Variants in SRP19 observed in about 807,000 individuals in gnomAD.
SRP19 encodes the protein signal recognition particle 19, also known as signal recognition particle 19 kDa protein.
SRP19 carries 11 observed loss-of-function variants against 22.4 expected under a neutral mutation model. The observed-to-expected ratio is 0.49, with a 90% CI of 0.31 to 0.81. The LOEUF is 0.81. Ranked by LOEUF, SRP19 falls within the 40% of genes least tolerant of loss-of-function variation. The probability of loss-of-function intolerance (pLI) is 0.05; values close to 1 mark genes in which losing one functional copy is unlikely to be tolerated. For missense variants in SRP19, 168 were observed against 175.9 expected (o/e 0.96, Z 0.25); for synonymous variants, 61 against 57.6 (o/e 1.06, Z -0.27).
intron 4 of SRP19, among the ~76,000 whole-genome samples, chr5:112,866,990 C>T (rs1397358625): frequency 2.1e-5 from 3 of 142,812 alleles, no homozygotes; most frequent in Non-Finnish European, 3.1e-5. Context: ...CCCATCGGAT[C>T]GCTTGTAACT....
chr5:112,896,198 T>C (rs1300706369), downstream of SRP19: 1 of 152,674 alleles, frequency 6.5e-6, no homozygotes, highest in African/African-American at 2.4e-5. Flanking sequence ...AAGATTTCCC[T>C]GTCTTTTTAG....
At chr5:112,891,544 C>T (rs1768447921) in intron 4 of SRP19, 3 of 1,497,856 alleles carry the variant, frequency 2.0e-6, no homozygotes, top group East Asian at 5.0e-5. Flanking sequence ...ATAAAATATT[C>T]ATAAGTAGAA....
intron 4 of SRP19, among the ~76,000 whole-genome samples, chr5:112,885,951 C>T (rs1022852489): frequency 6.6e-6 from 1 of 152,162 alleles, no homozygotes; most frequent in Admixed American, 6.5e-5. Flanking sequence ...AGCCACTGCC[C>T]GAAGCCATCT....
chr5:112,884,701 G>GTCTGAT (rs140773884), intron 4 of SRP19, among the ~76,000 whole-genome samples: 3,153 of 151,800 alleles, frequency 0.021, 100 homozygotes, highest in African/African-American at 0.072. Context: ...CTACTATTGA[G>GTCTGAT]TCTGATTCAG....
intron 4 of SRP19, among the ~76,000 whole-genome samples, chr5:112,867,162 T>C (rs1767632374): frequency 6.6e-6 from 1 of 152,254 alleles, no homozygotes; most frequent in South Asian, 2.1e-4. Context: ...TTTTGTTTCA[T>C]ACTTAGTGTT....
chr5:112,896,984 A>G (rs1281306647), downstream of SRP19: 1 of 152,230 alleles, frequency 6.6e-6, no homozygotes, highest in African/African-American at 2.4e-5. Context: ...CAGAGGATAC[A>G]AAGATATTAA....
downstream of SRP19, among the ~76,000 whole-genome samples, chr5:112,870,954 G>T (rs1767745190): frequency 6.6e-6 from 1 of 152,166 alleles, no homozygotes; most frequent in Admixed American, 6.5e-5. Flanking sequence ...CTGGTTTCAA[G>T]TGATTCTCCT....
intron 4 of SRP19, chr5:112,878,140 C>CATT (rs2150032101): frequency 6.6e-6 from 1 of 152,640 alleles, no homozygotes; most frequent in East Asian, 1.9e-4. Context: ...CATTCGATTT[C>CATT]ATTTCTCACT....
chr5:112,884,939 T>C (rs116738471), intron 4 of SRP19, among the ~76,000 whole-genome samples: 2,405 of 152,298 alleles, frequency 0.016, 32 homozygotes, highest in Non-Finnish European at 0.023. Flanking sequence ...GCCAGTGTTA[T>C]GAACATGCTT....
exon 5 of SRP19, chr5:112,893,030 G>A: frequency 1.3e-6 from 2 of 1,511,138 alleles, no homozygotes; most frequent in East Asian, 4.6e-5. Context: ...CGTGGGAGGA[G>A]GAAGTCGGGT....
rs572159454 is a variant in SRP19 at position 112,892,271 on chromosome 5, T to C, written c.*664T>C. ...CCTACCCTTCTTATTAAGAGCATGT[T>C]TACAACGTTTGGAATGGAGCAGTGC... On this transcript the variant is annotated 3_prime_UTR_variant, in exon 5 of 5. Transcript: ENST00000391338. 1.1e-5 allele frequency: 17 copies of C among 1,614,072 alleles called. No individual in the cohort carries two copies. The East Asian group carries it at 3.8e-4, about 36-fold the overall frequency.
downstream of SRP19, chr5:112,894,983 A>T (rs1291999741): frequency 1.3e-5 from 2 of 149,544 alleles, no homozygotes; most frequent in East Asian, 4.0e-4. Context: ...TTACGCCTGT[A>T]ATCCCAGCAC....
At position 112,861,307 on chromosome 5, in the gene SRP19, A is replaced by G; in HGVS notation, c.-70A>G. 1 of 1,585,316 alleles carries G rather than the reference A, an allele frequency of 6.3e-7. No homozygotes were observed. Among genetic ancestry groups the G allele is most frequent in the South Asian group, 1.1e-5 (1 of 90,488 alleles). On this transcript the variant is annotated 5_prime_UTR_variant, in exon 1 of 5. Transcript: ENST00000505459. ...AAAGCGGGCTGTCTCGGAAACTCAG[A>G]GCCGGGTTCCTCCCGGGTTTCTGCC...
chr5:112,892,053 G>C (rs775043127), exon 5 of SRP19: 48 of 1,527,408 alleles, frequency 3.1e-5, no homozygotes, highest in Non-Finnish European at 4.2e-5. Flanking sequence ...AAGAAAAAGA[G>C]GAAGCTGTGC....
At chr5:112,891,583 T>C (rs1580736897) in intron 4 of SRP19, 1 of 1,553,686 alleles carries the variant, frequency 6.4e-7, no homozygotes, top group South Asian at 1.2e-5. Flanking sequence ...ATGAACAAAA[T>C]CTTCCATATA....
intron 4 of SRP19, among the ~76,000 whole-genome samples, chr5:112,888,596 TA>T (rs1232970186): frequency 4.1e-4 from 62 of 151,016 alleles, no homozygotes; most frequent in East Asian, 2.0e-3. Flanking sequence ...GCTAATTTTT[TA>T]TAACTTTTTT....
chr5:112,862,242 T>C (rs943521505), intron 1 of SRP19: 38 of 514,470 alleles, frequency 7.4e-5, no homozygotes, highest in Non-Finnish European at 9.7e-5. Context: ...ACGTTTCCCA[T>C]TGACCTGTGC....
At chr5:112,873,552 G>A (rs1177284368), downstream of SRP19, among the ~76,000 whole-genome samples, 1 of 151,496 alleles carries the variant, frequency 6.6e-6, no homozygotes, top group Non-Finnish European at 1.5e-5. Flanking sequence ...TCTCCATGTT[G>A]GTCAGGCAGG....
At chr5:112,891,623 C>T in exon 5 of SRP19, 1 of 1,586,112 alleles carries the variant, frequency 6.3e-7, no homozygotes. Flanking sequence ...TCTGAGGGGT[C>T]AGGCGGTGCT....
Sources: allele counts gnomAD v4.1 joint callset (sites outside exome capture counted in the v4.1 genomes callset), GRCh38; gene constraint gnomAD v4.1.1; transcripts MANE v1.5; gene names NCBI Gene and HGNC (gene_info 2026-07-23, HGNC 2026-07-21).